The following DHX57 variants were observed in gnomAD, a reference collection of about 807,000 sequenced individuals.
The protein encoded by DHX57 is DExH-box helicase 57.
A neutral mutation model predicts 156.2 loss-of-function variants in DHX57; 105 were observed. That is an observed-to-expected ratio of 0.67 (90% CI 0.57 to 0.79). The LOEUF is 0.79. Ranked by LOEUF, DHX57 falls within the 30% of genes least tolerant of loss-of-function variation. The pLI, the probability that DHX57 is intolerant of heterozygous loss-of-function variation, is 0.00. For synonymous variants in DHX57, 704 were observed against 595.6 expected (o/e 1.18, Z -2.65); for missense variants, 1,847 against 1,661.9 (o/e 1.11, Z -1.94).
At chr2:38,836,446 C>T in intron 13 of DHX57, among the ~76,000 whole-genome samples, 1 of 152,246 alleles carries the variant, frequency 6.6e-6, no homozygotes, top group Non-Finnish European at 1.5e-5. Flanking sequence ...TTTTAAATAA[C>T]ATTTTCTTTT....
chr2:38,803,844 T>A (rs986032556), intron 22 of DHX57, among the ~76,000 whole-genome samples: 1 of 150,680 alleles, frequency 6.6e-6, no homozygotes, highest in African/African-American at 2.4e-5. Context: ...TGCAGTGGCA[T>A]GATCTTGGCT....
At chr2:38,850,992 G>A (rs924526445) in intron 9 of DHX57, among the ~76,000 whole-genome samples, 12 of 152,056 alleles carry the variant, frequency 7.9e-5, no homozygotes, top group Admixed American at 2.0e-4. Flanking sequence ...CAGGAGGATC[G>A]CTTGAACCTG....
chr2:38,800,169 G>A (rs1451756627), intron 23 of DHX57, among the ~76,000 whole-genome samples: 1 of 130,340 alleles, frequency 7.7e-6, no homozygotes, highest in Admixed American at 9.0e-5. Flanking sequence ...TGGGCAACAA[G>A]AGCGAAACTC....
chr2:38,862,687 T>C (rs1673299391), intron 3 of DHX57: 2 of 166,108 alleles, frequency 1.2e-5, no homozygotes, highest in African/African-American at 4.8e-5. Flanking sequence ...ATAGAGATTT[T>C]GCCAAAGGCA....
chr2:38,868,054 G>C (rs930525562), intron 2 of DHX57, 128 bp downstream of exon 2: 18 of 1,190,174 alleles, frequency 1.5e-5, no homozygotes, highest in African/African-American at 1.1e-4. Flanking sequence ...CTTCAGAAAA[G>C]GGTTACAAAG....
At chr2:38,799,281 G>T (rs574495106) in intron 23 of DHX57, among the ~76,000 whole-genome samples, 1 of 151,636 alleles carries the variant, frequency 6.6e-6, no homozygotes, top group African/African-American at 2.4e-5. Context: ...CAGGAGAATC[G>T]CTTGAACCTG....
At position 38,848,332 on chromosome 2, in the gene DHX57, C is replaced by G; in HGVS notation, c.2101G>C (p.Ala701Pro). The G allele has an allele frequency of 1.2e-6, 2 of 1,612,410 alleles. No individual in the cohort carries two copies. The highest frequency in any genetic ancestry group is 2.2e-5 in the East Asian group (1 of 44,834). Residue 701 changes from alanine (A) to proline (P), a missense_variant, in exon 10 of 24, where the codon GCA becomes CCA. Physicochemically the swap from Ala to Pro is conservative, Grantham distance 27. Transcript: ENST00000457308. Reference sequence around the variant, plus strand: ...GAAAAAAGCTCAGCGTTTAGAGTTGCACTCATTAAAATAACTTGAAGACCT... The same window carrying G: ...GAAAAAAGCTCAGCGTTTAGAGTTGGACTCATTAAAATAACTTGAAGACCT... ...RPGLQVILMS[A>P]TLNAELFSDY...
chr2:38,823,291 A>C, intron 16 of DHX57, 22 bp from the exon 17 acceptor site: 1 of 1,599,484 alleles, frequency 6.3e-7, no homozygotes, highest in Non-Finnish European at 8.6e-7. Flanking sequence ...ACAAAATAAT[A>C]ATTTGTCAAT....
chr2:38,854,308 C>T, intron 8 of DHX57, 130 bp from the exon 9 acceptor site: 1 of 848,722 alleles, frequency 1.2e-6, no homozygotes, highest in Non-Finnish European at 1.7e-6. Context: ...TAATAGGAAA[C>T]CATACTAAAC....
At position 38,854,110 on chromosome 2, in the gene DHX57, A is replaced by C. The variant is rs1449398392; in HGVS notation, c.1974T>G (p.Ala658=). 3 of 1,613,924 alleles carry C rather than the reference A, an allele frequency of 1.9e-6. No homozygotes were observed. Among genetic ancestry groups the C allele is most frequent in the Non-Finnish European group, 2.5e-6 (3 of 1,179,946 alleles). Residue 658 remains alanine, a synonymous_variant, in exon 9 of 24, where the codon GCT becomes GCG. Coordinates refer to ENST00000457308, the MANE Select transcript of DHX57 (RefSeq NM_198963.3). Reference sequence around the variant, plus strand: ...CAATGATATGGGAAACTCCTTGTAGAGCTGTATCTCCTTCTAGCCTTCTCA... The same window carrying C: ...CAATGATATGGGAAACTCCTTGTAGCGCTGTATCTCCTTCTAGCCTTCTCA... ...VLLRRLEGDT[A]LQGVSHIIVD... is the part of the protein sequence containing the mutation.
chr2:38,823,333 ATTTCT>A, intron 16 of DHX57, 64 bp from the exon 17 acceptor site: 2 of 1,460,432 alleles, frequency 1.4e-6, no homozygotes, highest in Non-Finnish European at 1.9e-6. Context: ...CAGAGGAATA[ATTTCT>A]TTTGTGAGTG....
chr2:38,803,485 A>C (rs1225442618), intron 22 of DHX57, among the ~76,000 whole-genome samples: 2 of 60,026 alleles, frequency 3.3e-5, no homozygotes, highest in Non-Finnish European at 4.1e-5. Flanking sequence ...TCTACAGCTA[A>C]CAAATTTTTT....
intron 21 of DHX57, chr2:38,810,427 C>T: frequency 1.9e-6 from 1 of 524,722 alleles, no homozygotes; most frequent in Non-Finnish European, 3.8e-6. Flanking sequence ...CCCCATTGTA[C>T]AGGGGTCTAT....
chr2:38,837,150 G>A (rs1671719591), intron 13 of DHX57, among the ~76,000 whole-genome samples: 1 of 152,102 alleles, frequency 6.6e-6, no homozygotes, highest in Non-Finnish European at 1.5e-5. Flanking sequence ...CACCTGGCAT[G>A]TATTATTATA....
rs1429328455 is a variant in DHX57 at position 38,850,055 on chromosome 2, TACA to T, written c.2031-1656_2031-1654del. 2.0e-5 allele frequency among the ~76,000 whole-genome samples: 3 copies of T among 152,316 alleles called. No individual in the cohort carries two copies. In the South Asian group the frequency reaches 6.2e-4, roughly 32 times the overall value. ...GAATTTTATTCACTACTGCAGGATC[TACA>T]ACAATGCCTGGGACATAGTAAGTAC... On this transcript the variant is annotated intron_variant, in intron 9 of 23. Coordinates refer to ENST00000457308, the MANE Select transcript of DHX57 (RefSeq NM_198963.3).
At chr2:38,865,939 A>G (rs1261323244) in intron 2 of DHX57, among the ~76,000 whole-genome samples, 1 of 152,150 alleles carries the variant, frequency 6.6e-6, no homozygotes, top group Non-Finnish European at 1.5e-5. Context: ...CACCCAGTCA[A>G]TGCTATTGAG....
In DHX57 at chr2:38,861,409, A is replaced by T. The variant is rs147595771; in HGVS notation, c.1001T>A (p.Ile334Lys). Residue 334 changes from isoleucine to lysine, a missense_variant, in exon 5 of 24, where the codon ATA becomes AAA. By Grantham distance (102) the Ile-to-Lys change is moderately radical. Coordinates refer to ENST00000457308, the MANE Select transcript of DHX57 (RefSeq NM_198963.3). Reference sequence around the variant, plus strand: ...ATGAGAATCATCTACACTTCTTTCTATTCTTCCAACAATTTGATTTGGGGG... The same window carrying T: ...ATGAGAATCATCTACACTTCTTTCTTTTCTTCCAACAATTTGATTTGGGGG... ...EVPPNQIVGR[I>K]ERSVDDSHLN... 13 of 1,613,950 alleles carry T rather than the reference A, an allele frequency of 8.1e-6. No individual in the cohort carries two copies. Among genetic ancestry groups the T allele is most frequent in the African/African-American group, 1.3e-5 (1 of 74,926 alleles).
intron 2 of DHX57, among the ~76,000 whole-genome samples, chr2:38,866,539 C>T (rs191856279): frequency 1.2e-3 from 190 of 152,246 alleles, no homozygotes; most frequent in African/African-American, 3.9e-3. Flanking sequence ...CCATAGCATG[C>T]GGCACCTGGT....
chr2:38,816,144 C>T (rs1205096106), intron 19 of DHX57: 1 of 471,248 alleles, frequency 2.1e-6, no homozygotes, highest in South Asian at 1.5e-5. Flanking sequence ...AGAATGTTTC[C>T]TCTTTCTCCT....
Sources: allele counts gnomAD v4.1 joint callset (sites outside exome capture counted in the v4.1 genomes callset), GRCh38; gene constraint gnomAD v4.1.1; transcripts MANE v1.5; gene names NCBI Gene and HGNC (gene_info 2026-07-23, HGNC 2026-07-21).